SFXN5: variants seen among roughly 807,000 people sequenced by gnomAD.
SFXN5 encodes sideroflexin-5.
In SFXN5, 43 loss-of-function variants were observed where a neutral mutation model predicts 50.2. The observed-to-expected ratio is 0.86, with a 90% CI of 0.67 to 1.11. The LOEUF is 1.11. SFXN5 is among the 50% of genes least tolerant of loss of function. The pLI, the probability that SFXN5 is intolerant of heterozygous loss-of-function variation, is 0.00. For synonymous variants in SFXN5, 203 were observed against 185.8 expected, an observed-to-expected ratio of 1.09 and a Z score of -0.75; for missense variants, 463 against 454.1, an observed-to-expected ratio of 1.02 and a Z score of -0.18.
chr2:72,999,346 T>G (rs949957180), intron 8 of SFXN5, among the ~76,000 whole-genome samples: 2 of 151,824 alleles, frequency 1.3e-5, no homozygotes, highest in African/African-American at 4.8e-5. Flanking sequence ...AGTCTTCAGT[T>G]TAGAGGCTAA....
intron 10 of SFXN5, among the ~76,000 whole-genome samples, chr2:72,976,228 A>G (rs1318148492): frequency 1.3e-5 from 2 of 152,158 alleles, no homozygotes; most frequent in African/African-American, 2.4e-5. Context: ...ACTTTTTTAC[A>G]CCAGAATTTT....
intron 3 of SFXN5, among the ~76,000 whole-genome samples, chr2:73,032,945 C>T (rs1678504332): frequency 6.6e-6 from 1 of 152,140 alleles, no homozygotes; most frequent in South Asian, 2.1e-4. Context: ...TGAGGGTACC[C>T]CCAATTCTAC....
chr2:73,041,885 G>C (rs998167727), intron 2 of SFXN5, among the ~76,000 whole-genome samples: 2 of 152,124 alleles, frequency 1.3e-5, no homozygotes, highest in Non-Finnish European at 1.5e-5. Context: ...TTTTTGTAGA[G>C]ATGGGGTTTT....
At position 72,943,358 on chromosome 2, in the gene SFXN5, C is replaced by T. The variant is rs562103175; in HGVS notation, c.*1664G>A. ...GCCTAAGTCTCCCCTGAGGTGGAGA[C>T]CCCGGGGGAGGGAGGCCTGGGGCTG... On this transcript the variant is annotated 3_prime_UTR_variant, in exon 14 of 14. Transcript: ENST00000272433. The T allele has an allele frequency of 6.6e-6, 1 of 152,480 alleles. No homozygotes were observed. Among genetic ancestry groups the T allele is most frequent in the East Asian group, 1.9e-4 (1 of 5,162 alleles). 9.4% of individuals were successfully genotyped at this position (152,480 alleles called of 1,614,324 possible).
intron 10 of SFXN5, among the ~76,000 whole-genome samples, chr2:72,984,088 T>C (rs1671621153): frequency 6.6e-6 from 1 of 152,228 alleles, no homozygotes; most frequent in Non-Finnish European, 1.5e-5. Context: ...GGAGAATTAA[T>C]TAAGGTCTAA....
At chr2:72,949,915 T>C (rs887673661) in intron 13 of SFXN5, among the ~76,000 whole-genome samples, 2 of 150,264 alleles carry the variant, frequency 1.3e-5, no homozygotes, top group Admixed American at 1.3e-4. Context: ...GGAGGGAATA[T>C]GGGAGGGGAT....
chr2:73,016,042 G>A (rs1255939154), intron 6 of SFXN5, among the ~76,000 whole-genome samples: 1 of 151,470 alleles, frequency 6.6e-6, no homozygotes, highest in Non-Finnish European at 1.5e-5. Flanking sequence ...GTCTTTAAAT[G>A]TATTGCCTTG....
chr2:73,001,640 G>GA, intron 6 of SFXN5, 62 bp from the exon 7 acceptor site: 1 of 1,498,834 alleles, frequency 6.7e-7, no homozygotes, highest in Non-Finnish European at 9.3e-7. Context: ...CTTTTGCAAA[G>GA]AAAAAATACG....
At chr2:73,036,478 G>A (rs1418507168) in intron 3 of SFXN5, among the ~76,000 whole-genome samples, 1 of 152,174 alleles carries the variant, frequency 6.6e-6, no homozygotes, top group Non-Finnish European at 1.5e-5. Flanking sequence ...GAATCGGGAA[G>A]CACAGTTAGT....
chr2:73,053,992 G>C (rs952249824), intron 2 of SFXN5, among the ~76,000 whole-genome samples: 1 of 152,180 alleles, frequency 6.6e-6, no homozygotes, highest in Non-Finnish European at 1.5e-5. Flanking sequence ...ACAGCTCATC[G>C]GGAGGGACTC....
chr2:73,047,296 AT>A (rs1186706328), intron 2 of SFXN5, among the ~76,000 whole-genome samples: 10 of 102,540 alleles, frequency 9.8e-5, no homozygotes, highest in East Asian at 3.3e-4. Context: ...ATATATATAT[AT>A]AAAATATATA....
At chr2:72,962,897 C>G (rs763860638) in intron 12 of SFXN5, among the ~76,000 whole-genome samples, 4 of 152,106 alleles carry the variant, frequency 2.6e-5, no homozygotes, top group African/African-American at 4.8e-5. Context: ...AGCAGTAGGA[C>G]CAAGGTGCCT....
intron 10 of SFXN5, among the ~76,000 whole-genome samples, chr2:72,979,319 T>C (rs1368406662): frequency 6.6e-6 from 1 of 152,132 alleles, no homozygotes; most frequent in South Asian, 2.1e-4. Context: ...CAATTTTCTA[T>C]GTTAATAGAA....
intron 3 of SFXN5, among the ~76,000 whole-genome samples, chr2:73,026,023 G>C (rs1381806911): frequency 6.6e-6 from 1 of 152,256 alleles, no homozygotes; most frequent in Admixed American, 6.5e-5. Flanking sequence ...AAACAGAAAG[G>C]CTCCCAGAGA....
chr2:72,969,249 C>T (rs1674864080), intron 11 of SFXN5, among the ~76,000 whole-genome samples: 1 of 152,210 alleles, frequency 6.6e-6, no homozygotes, highest in African/African-American at 2.4e-5. Context: ...GCACAACCTC[C>T]CATACTCAGT....
chr2:72,993,555 C>A (rs1672870723), intron 9 of SFXN5, among the ~76,000 whole-genome samples: 1 of 152,178 alleles, frequency 6.6e-6, no homozygotes, highest in South Asian at 2.1e-4. Context: ...TGGGAGGGGG[C>A]AACAACTTGT....
chr2:73,002,006 A>G (rs766034369), intron 6 of SFXN5, among the ~76,000 whole-genome samples: 2 of 152,234 alleles, frequency 1.3e-5, no homozygotes, highest in Non-Finnish European at 2.9e-5. Context: ...CAAAAGGAAT[A>G]CCTTCGTTTC....
intron 9 of SFXN5, among the ~76,000 whole-genome samples, chr2:72,995,610 C>A (rs567732460): frequency 6.6e-6 from 1 of 152,206 alleles, no homozygotes; most frequent in African/African-American, 2.4e-5. Context: ...TCCATGCCGC[C>A]TGCTTGTAGG....
chr2:73,026,214 A>C (rs1312952222), intron 3 of SFXN5, among the ~76,000 whole-genome samples: 1 of 145,790 alleles, frequency 6.9e-6, no homozygotes, highest in Non-Finnish European at 1.5e-5. Flanking sequence ...TGCAAACTCC[A>C]CCTCCCAGGT....
Sources: gnomAD v4.1 joint callset for allele counts (sites outside exome capture counted in the v4.1 genomes callset) on GRCh38, gnomAD v4.1.1 for gene constraint, MANE v1.5 for transcripts, NCBI Gene and HGNC (gene_info 2026-07-23, HGNC 2026-07-21) for gene names.